Variants in ELMOD3 observed in about 807,000 individuals in gnomAD.
ELMOD3 encodes the protein ELMO domain containing 3, also known as ELMO domain-containing protein 3.
A neutral mutation model predicts 47.4 loss-of-function variants in ELMOD3; 36 were observed. The observed-to-expected ratio is 0.76, with a 90% CI of 0.58 to 1.00. The LOEUF is 1.00. Ranked by LOEUF, ELMOD3 falls within the 50% of genes least tolerant of loss-of-function variation. ELMOD3 has a pLI of 0.00. For synonymous variants in ELMOD3, 149 were observed against 183.5 expected (o/e 0.81, Z 1.52); for missense variants, 404 against 463.8 (o/e 0.87, Z 1.18).
intron 11 of ELMOD3, 114 bp from the exon 12 acceptor site, chr2:85,389,637 A>G (rs1403784762): frequency 1.3e-6 from 1 of 748,502 alleles, no homozygotes; most frequent in Non-Finnish European, 2.3e-6. Flanking sequence ...AGCAATAATA[A>G]TATCAGCTGT....
intron 8 of ELMOD3, among the ~76,000 whole-genome samples, chr2:85,370,859 C>T (rs895830106): frequency 6.6e-6 from 1 of 152,212 alleles, no homozygotes; most frequent in African/African-American, 2.4e-5. Flanking sequence ...AATACCTACG[C>T]TTGGGGATGT....
At chr2:85,387,411 C>G (rs1488069141) in intron 11 of ELMOD3, among the ~76,000 whole-genome samples, 1 of 152,130 alleles carries the variant, frequency 6.6e-6, no homozygotes, top group South Asian at 2.1e-4. Flanking sequence ...CCTGTAATCC[C>G]AGCGCTTTGG....
At chr2:85,377,598 C>T (rs1685250724) in intron 11 of ELMOD3, 124 bp downstream of exon 11, 1 of 1,025,682 alleles carries the variant, frequency 9.7e-7, no homozygotes, top group Admixed American at 3.0e-5. Flanking sequence ...GTCTGACCTG[C>T]ATTGAAATAT....
intron 11 of ELMOD3, among the ~76,000 whole-genome samples, chr2:85,388,016 T>A (rs548580467): frequency 6.6e-6 from 1 of 152,220 alleles, no homozygotes; most frequent in East Asian, 1.9e-4. Flanking sequence ...TCATTAGAGG[T>A]ACCCAGTACT....
intron 11 of ELMOD3, among the ~76,000 whole-genome samples, chr2:85,383,736 A>G (rs142979967): frequency 6.6e-6 from 1 of 152,306 alleles, no homozygotes; most frequent in African/African-American, 2.4e-5. Context: ...GCTGGTACCA[A>G]GCATGGATAG....
intron 11 of ELMOD3, among the ~76,000 whole-genome samples, chr2:85,386,045 T>C (rs571663721): frequency 5.9e-5 from 9 of 152,280 alleles, no homozygotes; most frequent in Admixed American, 3.3e-4. Context: ...AAAAGTCACA[T>C]AGCAGTGGGA....
At chr2:85,390,392 T>C in intron 13 of ELMOD3, 127 bp downstream of exon 13, 1 of 1,614,170 alleles carries the variant, frequency 6.2e-7, no homozygotes, top group East Asian at 2.2e-5. Flanking sequence ...AAATTCCAGC[T>C]TACCAAAATC....
At position 85,377,065 on chromosome 2, in the gene ELMOD3, T is replaced by C. The variant is rs1685208211; in HGVS notation, c.608-279T>C. 1.2e-5 allele frequency: 3 copies of C among 240,678 alleles called. No homozygotes were observed. The South Asian group carries it at 4.4e-4, about 35-fold the overall frequency. 14.9% of individuals were successfully genotyped at this position (240,678 alleles called of 1,614,324 possible). ...TAAATTCAGCCTTTTTTGTAAAGGA[T>C]TGCTTTGGTGGTTTTGTGTAGAAGT... On this transcript the variant is annotated intron_variant, in intron 10 of 13. Coordinates refer to ENST00000409013, the MANE Select transcript of ELMOD3 (RefSeq NM_001135022.2).
chr2:85,364,823 ATATTTTTTT>A (rs1403885240), intron 6 of ELMOD3, among the ~76,000 whole-genome samples: 108 of 86,990 alleles, frequency 1.2e-3, no homozygotes, highest in African/African-American at 6.3e-3. Context: ...ATATATATAT[ATATTTTTTT>A]TTTTTTTTTT....
intron 11 of ELMOD3, among the ~76,000 whole-genome samples, chr2:85,378,650 A>C (rs1685334663): frequency 6.6e-6 from 1 of 152,210 alleles, no homozygotes; most frequent in East Asian, 1.9e-4. Flanking sequence ...GCAGAGGGGC[A>C]ACTTTGAATA....
chr2:85,379,764 T>A (rs1002529469), intron 11 of ELMOD3, among the ~76,000 whole-genome samples: 2 of 152,258 alleles, frequency 1.3e-5, no homozygotes, highest in African/African-American at 4.8e-5. Context: ...ACATAGGCTT[T>A]TTTTAAAAAT....
chr2:85,361,695 C>T (rs7557579), intron 4 of ELMOD3, among the ~76,000 whole-genome samples: 34,725 of 151,780 alleles, frequency 0.23, 4,321 homozygotes, highest in East Asian at 0.42. Context: ...TTTGGGAGGC[C>T]GAGGCGGGTG....
At chr2:85,357,447 T>G (rs920986417) in intron 4 of ELMOD3, 195 bp downstream of exon 4, 10 of 419,308 alleles carry the variant, frequency 2.4e-5, no homozygotes, top group Admixed American at 4.3e-5. Flanking sequence ...AAGTGAGTTA[T>G]GAGATTTTTG....
chr2:85,364,634 A>ACC lies in ELMOD3; in HGVS notation c.199+1469_199+1470dup, dbSNP rs150533237. Among the ~76,000 whole-genome samples the ACC allele has an allele frequency of 6.9e-3, 1,037 of 151,076 alleles. 14 individuals are homozygous for ACC. Among genetic ancestry groups the ACC allele is most frequent in the East Asian group, 0.06 (310 of 5,142 alleles). ...TGCTGTGTTGCTCAGGCTGATCCTC[A>ACC]CCTTATCCTCCTGAGTATCTGGGAA... is the stretch of plus-strand genomic sequence containing the variant. On this transcript the variant is annotated intron_variant, in intron 6 of 13. Transcript: ENST00000409013.
chr2:85,367,841 A>G (rs1684500786), intron 6 of ELMOD3, among the ~76,000 whole-genome samples: 1 of 151,996 alleles, frequency 6.6e-6, no homozygotes, highest in African/African-American at 2.4e-5. Flanking sequence ...GCTGTAGAGT[A>G]TGGGTTTTAT....
intron 6 of ELMOD3, chr2:85,367,716 AAAG>A (rs1684490382): frequency 6.6e-6 from 1 of 152,212 alleles, no homozygotes; most frequent in African/African-American, 2.4e-5. Flanking sequence ...AACAAAAAGA[AAAG>A]AAAAATGCAT....
intron 11 of ELMOD3, among the ~76,000 whole-genome samples, chr2:85,383,312 A>G (rs1044488225): frequency 4.0e-5 from 6 of 150,590 alleles, no homozygotes; most frequent in African/African-American, 1.2e-4. Flanking sequence ...TATTTTTAGT[A>G]GAGACAGGGT....
At chr2:85,373,707 C>T (rs554419314) in intron 10 of ELMOD3, among the ~76,000 whole-genome samples, 19 of 151,844 alleles carry the variant, frequency 1.3e-4, no homozygotes, top group Admixed American at 3.9e-4. Context: ...GGCATGGTGG[C>T]GCGTGCCTGT....
intron 8 of ELMOD3, 139 bp downstream of exon 8, chr2:85,369,969 A>T (rs1383719535): frequency 1.9e-6 from 2 of 1,051,338 alleles, no homozygotes; most frequent in Non-Finnish European, 2.7e-6. Context: ...GTGGCCTAGG[A>T]CCCATGCTTC....
Sources: gnomAD v4.1 joint callset for allele counts (sites outside exome capture counted in the v4.1 genomes callset) on GRCh38, gnomAD v4.1.1 for gene constraint, MANE v1.5 for transcripts, NCBI Gene and HGNC (gene_info 2026-07-23, HGNC 2026-07-21) for gene names.